The following PLCB1 variants were observed in gnomAD, a reference collection of about 807,000 sequenced individuals.
PLCB1 encodes the protein phospholipase C beta 1, also known as 1-phosphatidylinositol 4,5-bisphosphate phosphodiesterase beta-1.
Under a neutral mutation model 161.8 loss-of-function variants are expected in PLCB1, and 46 were observed. The ratio of observed to expected loss-of-function variants is 0.28; its 90% CI spans 0.22 to 0.36. The LOEUF (loss-of-function observed/expected upper bound fraction) is 0.36. Among genes scored for constraint, PLCB1 ranks in the 10% least tolerant of loss-of-function variants. The pLI, the probability that PLCB1 is intolerant of heterozygous loss-of-function variation, is 1.00. For missense variants in PLCB1, 1,016 were observed against 1,472.5 expected (o/e 0.69, Z 5.07); for synonymous variants, 517 against 503.7 (o/e 1.03, Z -0.35).
chr20:8,649,246 T>A (rs1989247174), intron 6 of PLCB1, 128 bp from the exon 7 acceptor site: 1 of 616,898 alleles, frequency 1.6e-6, no homozygotes, highest in Non-Finnish European at 2.9e-6. Flanking sequence ...AATGGTTATC[T>A]TTTAGTTCTT....
At chr20:8,867,162 T>C (rs1353763451) in intron 31 of PLCB1, among the ~76,000 whole-genome samples, 1 of 152,182 alleles carries the variant, frequency 6.6e-6, no homozygotes, top group Non-Finnish European at 1.5e-5. Flanking sequence ...GAGAAAGTGG[T>C]TGTAGCTAGG....
At chr20:8,251,266 T>G (rs1291828554) in intron 2 of PLCB1, among the ~76,000 whole-genome samples, 3 of 151,846 alleles carry the variant, frequency 2.0e-5, no homozygotes, top group Non-Finnish European at 2.9e-5. Context: ...GGAGTTAAGT[T>G]TCAACATAGG....
At chr20:8,224,646 A>G (rs1049996434) in intron 2 of PLCB1, among the ~76,000 whole-genome samples, 1 of 152,180 alleles carries the variant, frequency 6.6e-6, no homozygotes, top group Non-Finnish European at 1.5e-5. Flanking sequence ...AAGATACAGA[A>G]AAGTGAACAA....
rs927711301 is a variant in PLCB1, at chr20:8,132,345, C to G, written c.-307C>G. ...GGCGGCGGCGGAGGAGCAGAATCCG[C>G]CGCGACTGGCAGCCTCGGCTGACCG... On this transcript the variant is annotated 5_prime_UTR_variant, in exon 1 of 32. Transcript: ENST00000338037. This position sits in a 1 kb window ranked among gnomAD's most constrained non-coding sequence, Gnocchi z 5.2. 3.0e-5 allele frequency: 7 copies of G among 233,658 alleles called. No individual in the cohort carries two copies. Among genetic ancestry groups the G allele is most frequent in the African/African-American group, 1.6e-4 (7 of 43,742 alleles). 14.5% of individuals were successfully genotyped at this position (233,658 alleles called of 1,614,324 possible). A position where few individuals can be genotyped will look rare whatever the true frequency, so the allele number is the denominator to read the frequency against.
intron 23 of PLCB1, among the ~76,000 whole-genome samples, chr20:8,753,204 G>T (rs1600299602): frequency 6.6e-6 from 1 of 152,090 alleles, no homozygotes; most frequent in Admixed American, 6.5e-5. Flanking sequence ...TCTACATTAT[G>T]GTGAGTTGTA....
intron 3 of PLCB1, among the ~76,000 whole-genome samples, chr20:8,477,682 T>C (rs973594667): frequency 1.3e-5 from 2 of 152,238 alleles, no homozygotes; most frequent in South Asian, 2.1e-4. Flanking sequence ...GTGTGTCACA[T>C]AGCAAGAGAG....
chr20:8,869,192 TA>T lies in PLCB1; in HGVS notation c.3424-12429del, dbSNP rs1261249890. Among the ~76,000 whole-genome samples, 12 of 152,246 alleles carry T rather than the reference TA, an allele frequency of 7.9e-5. 1 individual carries two copies. The highest frequency in any genetic ancestry group is 1.0e-4 in the Non-Finnish European group (7 of 67,998). On this transcript the variant is annotated intron_variant, in intron 31 of 31. Coordinates refer to ENST00000338037, the MANE Select transcript of PLCB1 (RefSeq NM_015192.4). ...AACGTCTTTGGGTTATTATCTTGAT[TA>T]TTTTTTTTTATTATACTTTAAGTTT... is the stretch of plus-strand genomic sequence containing the variant.
rs1600215502 is a variant in PLCB1 at position 8,173,712 on chromosome 20, C to T, written c.177+23341C>T. 3.3e-5 allele frequency among the ~76,000 whole-genome samples: 5 copies of T among 151,962 alleles called. No individual in the cohort carries two copies. In the East Asian group the frequency reaches 5.8e-4, roughly 18 times the overall value. On this transcript the variant is annotated intron_variant, in intron 2 of 31. Transcript: ENST00000338037. ...TATCTTACAAGAATTTTAAAGCAGC[C>T]ACCATAAAAAATGTTTCAGCAGTCA...
At chr20:8,328,741 T>A (rs933083982) in intron 2 of PLCB1, among the ~76,000 whole-genome samples, 8 of 152,194 alleles carry the variant, frequency 5.3e-5, no homozygotes, top group African/African-American at 1.7e-4. Flanking sequence ...CTGAGACAGA[T>A]GCCTCAAAAT....
chr20:8,287,303 A>G (rs1033230932), intron 2 of PLCB1, among the ~76,000 whole-genome samples: 1 of 152,154 alleles, frequency 6.6e-6, no homozygotes, highest in Non-Finnish European at 1.5e-5. Context: ...ATATACATGT[A>G]CATTGATTTT....
At chr20:8,827,984 GAA>G (rs968211731) in intron 31 of PLCB1, among the ~76,000 whole-genome samples, 24 of 152,300 alleles carry the variant, frequency 1.6e-4, no homozygotes, top group African/African-American at 5.3e-4. Context: ...GGCTCTTTAA[GAA>G]AAGTTTGTTA....
At chr20:8,668,457 T>C (rs1215505045) in intron 9 of PLCB1, among the ~76,000 whole-genome samples, 1 of 152,160 alleles carries the variant, frequency 6.6e-6, no homozygotes, top group African/African-American at 2.4e-5. Flanking sequence ...CTACCTTATA[T>C]GTAGAAAATG....
intron 3 of PLCB1, among the ~76,000 whole-genome samples, chr20:8,575,223 T>C (rs1986639810): frequency 6.6e-6 from 1 of 152,202 alleles, no homozygotes; most frequent in African/African-American, 2.4e-5. Flanking sequence ...TTCAAATATT[T>C]AGACAGAGAG....
At chr20:8,759,896 ATTT>A (rs3033840) in intron 24 of PLCB1, among the ~76,000 whole-genome samples, 1 of 78,260 alleles carries the variant, frequency 1.3e-5, no homozygotes, top group Non-Finnish European at 2.3e-5. Context: ...ATAATATCAC[ATTT>A]TTTTTTTTTT....
At chr20:8,499,848 AG>A (rs1568700700) in intron 3 of PLCB1, among the ~76,000 whole-genome samples, 1 of 152,194 alleles carries the variant, frequency 6.6e-6, no homozygotes, top group Non-Finnish European at 1.5e-5. Context: ...ATTATTTGTT[AG>A]GCATTGTTTT....
intron 1 of PLCB1, among the ~76,000 whole-genome samples, chr20:8,133,781 A>G (rs1024492887): frequency 3.3e-5 from 5 of 152,180 alleles, no homozygotes; most frequent in African/African-American, 1.2e-4. Context: ...TTAAGTCCAA[A>G]TGACTAATAC....
At chr20:8,137,489 T>C (rs1204137326) in intron 1 of PLCB1, among the ~76,000 whole-genome samples, 1 of 152,228 alleles carries the variant, frequency 6.6e-6, no homozygotes, top group Non-Finnish European at 1.5e-5. Context: ...TTATGTCCAT[T>C]TTTCTTGTCC....
At chr20:8,273,113 T>C (rs1982365998) in intron 2 of PLCB1, among the ~76,000 whole-genome samples, 1 of 152,196 alleles carries the variant, frequency 6.6e-6, no homozygotes, top group Non-Finnish European at 1.5e-5. Context: ...ACAACAAAGA[T>C]TGTTGAATAC....
intron 2 of PLCB1, among the ~76,000 whole-genome samples, chr20:8,328,409 C>T (rs762132654): frequency 3.3e-5 from 5 of 151,990 alleles, no homozygotes; most frequent in Non-Finnish European, 7.4e-5. Context: ...CAGCCAGCTT[C>T]TCTTGTCGCT....
Sources: gnomAD v4.1 joint callset for allele counts (sites outside exome capture counted in the v4.1 genomes callset) on GRCh38, gnomAD v4.1.1 for gene constraint, Gnocchi (gnomAD v3.1) non-coding constraint, MANE v1.5 for transcripts, NCBI Gene and HGNC (gene_info 2026-07-23, HGNC 2026-07-21) for gene names.